Variants in CYP2U1 observed in about 807,000 individuals in gnomAD.
CYP2U1 encodes cytochrome P450 family 2 subfamily U member 1, also known as cytochrome P450 2U1.
In CYP2U1, 28 loss-of-function variants were observed where a neutral mutation model predicts 42.8. The observed-to-expected ratio is 0.65, with a 90% CI of 0.48 to 0.90. The LOEUF is 0.90. Ranked by LOEUF, CYP2U1 falls within the 40% of genes least tolerant of loss-of-function variation. The pLI, the probability that CYP2U1 is intolerant of heterozygous loss-of-function variation, is 0.00. For synonymous variants in CYP2U1, 296 were observed against 278.9 expected (o/e 1.06, Z -0.61); for missense variants, 642 against 693.8 (o/e 0.93, Z 0.84).
Position 107,932,009 on chromosome 4 carries a change from C to G in CYP2U1, c.366C>G (p.Ile122Met). ...RVYGSIFSFFIGHYLVVVLSD... is the reference protein window; with the variant it reads ...RVYGSIFSFFMGHYLVVVLSD... ...ACGGCAGCATCTTCAGCTTCTTTATCGGCCACTACCTGGTGGTGGTCCTCA... is the reference window on the plus strand; with the variant it reads ...ACGGCAGCATCTTCAGCTTCTTTATGGGCCACTACCTGGTGGTGGTCCTCA... The change falls in exon 1 of 5, where the codon ATC becomes ATG. Residue 122 changes from isoleucine (I) to methionine (M), a missense_variant. By Grantham distance (10) the Ile-to-Met change is conservative. Coordinates refer to ENST00000332884, the MANE Select transcript of CYP2U1 (RefSeq NM_183075.3). 1.3e-6 allele frequency: 2 copies of G among 1,558,022 alleles called. No homozygotes were observed. Among genetic ancestry groups the G allele is most frequent in the East Asian group, 2.4e-5 (1 of 41,338 alleles).
At chr4:107,939,473 ACACT>A (rs939469066) in intron 1 of CYP2U1, among the ~76,000 whole-genome samples, 79 of 152,322 alleles carry the variant, frequency 5.2e-4, no homozygotes, top group African/African-American at 1.8e-3. Flanking sequence ...ACAGAAGAAC[ACACT>A]CTATCCACAT....
At position 107,952,396 on chromosome 4, in the gene CYP2U1, G is replaced by A. The variant is rs1047321756; in HGVS notation, c.*1973G>A. The A allele has an allele frequency of 2.0e-5, 3 of 152,236 alleles. No individual in the cohort carries two copies. Among genetic ancestry groups the A allele is most frequent in the Non-Finnish European group, 4.4e-5 (3 of 68,042 alleles). 9.4% of individuals were successfully genotyped at this position (152,236 alleles called of 1,614,324 possible). A position where few individuals can be genotyped will look rare whatever the true frequency, so the allele number is the denominator to read the frequency against. The stretch of plus-strand genomic sequence containing the variant: ...CCACCTGGAGACTAGGCCATATCCA[G>A]GGACCTCACACTGACTTTCCTAAAG... On this transcript the variant is annotated 3_prime_UTR_variant, in exon 5 of 5. Coordinates refer to ENST00000332884, the MANE Select transcript of CYP2U1 (RefSeq NM_183075.3).
At chr4:107,949,736 G>A (rs1733842491) in intron 4 of CYP2U1, among the ~76,000 whole-genome samples, 1 of 152,150 alleles carries the variant, frequency 6.6e-6, no homozygotes, top group Non-Finnish European at 1.5e-5. Flanking sequence ...TTTACTTTCA[G>A]AGCTGATCAG....
chr4:107,936,199 G>T (rs1733257605), intron 1 of CYP2U1: 1 of 152,146 alleles, frequency 6.6e-6, no homozygotes, highest in Non-Finnish European at 1.5e-5. Context: ...AAAAAGAAAA[G>T]AAAATTACAA....
At chr4:107,949,120 A>G (rs1258951235) in intron 3 of CYP2U1, among the ~76,000 whole-genome samples, 1 of 152,026 alleles carries the variant, frequency 6.6e-6, no homozygotes, top group East Asian at 1.9e-4. Context: ...TTAATTCAGC[A>G]TTCATTGGAG....
Position 107,931,566 on chromosome 4 carries a change from T to G in CYP2U1, c.-78T>G, listed in dbSNP as rs1732963885. ...GACCTTCCAGAGCAGAGCAGGACACTGGCGCCGCGGGTCAGGCAGCTGCGT... is the reference window on the plus strand; with the variant it reads ...GACCTTCCAGAGCAGAGCAGGACACGGGCGCCGCGGGTCAGGCAGCTGCGT... On this transcript the variant is annotated 5_prime_UTR_variant, in exon 1 of 5. Coordinates refer to ENST00000332884, the MANE Select transcript of CYP2U1 (RefSeq NM_183075.3). The G allele has an allele frequency of 1.2e-5, 14 of 1,205,172 alleles. No homozygotes were observed. The highest frequency in any genetic ancestry group is 1.4e-5 in the Non-Finnish European group (14 of 969,232). 74.7% of individuals were successfully genotyped at this position (1,205,172 alleles called of 1,614,324 possible). A position where few individuals can be genotyped will look rare whatever the true frequency, so the allele number is the denominator to read the frequency against.
At chr4:107,947,337 C>G in intron 2 of CYP2U1, 39 bp from the exon 3 acceptor site, 1 of 1,600,228 alleles carries the variant, frequency 6.2e-7, no homozygotes. Context: ...GACTCTGTCC[C>G]ATGCTTATCT....
Position 107,949,396 on chromosome 4 carries a change from C to A in CYP2U1, c.1335C>A (p.Asn445Lys). 1 of 1,600,218 alleles carries A rather than the reference C, an allele frequency of 6.2e-7. No individual in the cohort carries two copies. The highest frequency in any genetic ancestry group is 1.7e-4 in the Middle Eastern group (1 of 5,974). Residue 445 changes from asparagine (N) to lysine (K), a missense_variant, in exon 4 of 5, where the codon AAC (asparagine) becomes AAA (lysine). Asn to Lys is a moderately conservative substitution (Grantham distance 94, BLOSUM62 0). Coordinates refer to ENST00000332884, the MANE Select transcript of CYP2U1 (RefSeq NM_183075.3). Reference sequence around the variant, plus strand: ...CTAAAGGCACATTGATCTTACCCAACCTGTGGTCAGTACATAGAGACCCAG... The same window carrying A: ...CTAAAGGCACATTGATCTTACCCAAACTGTGGTCAGTACATAGAGACCCAG... Reference protein sequence around the residue: ...TIPKGTLILPNLWSVHRDPAI... With the variant: ...TIPKGTLILPKLWSVHRDPAI...
At chr4:107,942,396 C>G (rs1220707753) in intron 1 of CYP2U1, among the ~76,000 whole-genome samples, 1 of 152,082 alleles carries the variant, frequency 6.6e-6, no homozygotes, top group Non-Finnish European at 1.5e-5. Flanking sequence ...CAGTTCCAAC[C>G]AAAATCCTAA....
intron 1 of CYP2U1, among the ~76,000 whole-genome samples, chr4:107,933,794 T>C (rs1469376212): frequency 2.0e-5 from 3 of 152,226 alleles, no homozygotes; most frequent in Non-Finnish European, 4.4e-5. Context: ...TGTAAATGCT[T>C]TGTAAATAGT....
At position 107,949,475 on chromosome 4, in the gene CYP2U1, G is replaced by A. The variant is rs147277678; in HGVS notation, c.1414G>A (p.Gly472Arg). The change falls in exon 4 of 5, where the codon GGA becomes AGA. Residue 472 changes from glycine (G) to arginine (R), a missense_variant. Physicochemically the swap from Gly to Arg is moderately radical, Grantham distance 125. Coordinates refer to ENST00000332884, the MANE Select transcript of CYP2U1 (RefSeq NM_183075.3). ...FYPNRFLDDQGQLIKKETFIP... is the reference protein window; with the variant it reads ...FYPNRFLDDQRQLIKKETFIP... Reference sequence around the variant, plus strand: ...CCCTAATCGATTTCTGGATGACCAAGGACAACTAATTAAAAAAGAAACCTT... The same window carrying A: ...CCCTAATCGATTTCTGGATGACCAAAGACAACTAATTAAAAAAGAAACCTT... 1.2e-5 allele frequency: 20 copies of A among 1,602,236 alleles called. No homozygotes were observed. The African/African-American group carries it at 1.9e-4, about 15-fold the overall frequency.
chr4:107,947,655 G>A, intron 3 of CYP2U1, 118 bp downstream of exon 3: 1 of 992,680 alleles, frequency 1.0e-6, no homozygotes. Context: ...TGAAGATTTA[G>A]CATTGTGTCA....
intron 1 of CYP2U1, among the ~76,000 whole-genome samples, chr4:107,941,931 C>T (rs1477351815): frequency 1.3e-5 from 2 of 152,088 alleles, no homozygotes; most frequent in African/African-American, 2.4e-5. Context: ...CATTGTCATT[C>T]GTGAATATAC....
At chr4:107,949,603 GTTTC>G (rs1733837997) in intron 4 of CYP2U1, 86 bp downstream of exon 4, 1 of 1,218,208 alleles carries the variant, frequency 8.2e-7, no homozygotes, top group Non-Finnish European at 1.1e-6. Context: ...TTTTAAAAAT[GTTTC>G]TTTCTTGGCA....
In CYP2U1 at chr4:107,947,524, C is replaced by T. The variant is rs768958921; in HGVS notation, c.1275C>T (p.Thr425=). Residue 425 remains threonine (T), a synonymous_variant, in exon 3 of 5, where the codon ACC becomes ACT. Coordinates refer to ENST00000332884, the MANE Select transcript of CYP2U1 (RefSeq NM_183075.3). ...TGCCGCTTGCCATTCCTCATATGAC[C>T]TCAGAGAACACAGGCAAGTCCAGGG... ...VVVPLAIPHM[T]SENTVLQGYT... is the part of the protein sequence containing the mutation. 1.5e-5 allele frequency: 24 copies of T among 1,614,034 alleles called. No homozygotes were observed. Among genetic ancestry groups the T allele is most frequent in the Non-Finnish European group, 1.9e-5 (23 of 1,179,990 alleles).
At chr4:107,944,652 A>G (rs1175419928) in intron 1 of CYP2U1, among the ~76,000 whole-genome samples, 4 of 151,226 alleles carry the variant, frequency 2.6e-5, no homozygotes, top group Non-Finnish European at 5.9e-5. Flanking sequence ...GAAATATAAT[A>G]CTTTGAAATG....
rs1367367574 is a variant in CYP2U1, at chr4:107,931,634, C to T, written c.-10C>T. The T allele has an allele frequency of 4.0e-6, 5 of 1,255,026 alleles. No homozygotes were observed. The East Asian group carries it at 9.5e-5, about 24-fold the overall frequency. 77.7% of individuals were successfully genotyped at this position (1,255,026 alleles called of 1,614,324 possible). A position where few individuals can be genotyped will look rare whatever the true frequency, so the allele number is the denominator to read the frequency against. On this transcript the variant is annotated 5_prime_UTR_variant, in exon 1 of 5. Coordinates refer to ENST00000332884, the MANE Select transcript of CYP2U1 (RefSeq NM_183075.3). ...AGCAAGGGGAACCCGAGGCCGCCGG[C>T]GCCCGGACCATGTCGTCTCCGGGGC...
At chr4:107,932,811 T>G in intron 1 of CYP2U1, among the ~76,000 whole-genome samples, 1 of 152,238 alleles carries the variant, frequency 6.6e-6, no homozygotes, top group East Asian at 1.9e-4. Flanking sequence ...CAGTCAGGTG[T>G]TAAATGCCTT....
rs539068584 is a variant in CYP2U1 at position 107,945,119 on chromosome 4, G to T, written c.640G>T (p.Gly214Ter). The change falls in exon 2 of 5, where the codon GGA becomes TGA. Residue 214 changes from glycine (G) to a stop codon, truncating the protein, a stop_gained. Coordinates refer to ENST00000332884, the MANE Select transcript of CYP2U1 (RefSeq NM_183075.3). LOFTEE classifies it high-confidence loss of function. The stretch of plus-strand genomic sequence containing the variant: ...TGTGAAAGCAGAAATGCAAAAGCAC[G>T]GAGAAGACCCCTTCTGCCCTTTCTC... ...KYVKAEMQKH[G>*]EDPFCPFSII... The T allele has an allele frequency of 1.2e-6, 2 of 1,613,854 alleles. No homozygotes were observed. The highest frequency in any genetic ancestry group is 1.7e-6 in the Non-Finnish European group (2 of 1,180,002).
Sources: allele counts gnomAD v4.1 joint callset (sites outside exome capture counted in the v4.1 genomes callset), GRCh38; gene constraint gnomAD v4.1.1; transcripts MANE v1.5; gene names NCBI Gene and HGNC (gene_info 2026-07-23, HGNC 2026-07-21).